SDK1: variants seen among roughly 807,000 people sequenced by gnomAD.
SDK1 encodes protein sidekick-1.
In SDK1, 157 loss-of-function variants were observed where a neutral mutation model predicts 245.5. That is an observed-to-expected ratio of 0.64 (90% CI 0.56 to 0.73). The LOEUF (loss-of-function observed/expected upper bound fraction) is 0.73. Ranked by LOEUF, SDK1 falls within the 30% of genes least tolerant of loss-of-function variation. The probability of loss-of-function intolerance (pLI) is 0.00; values close to 1 mark genes in which losing one functional copy is unlikely to be tolerated. For missense variants in SDK1, 3,583 were observed against 3,002.3 expected, an observed-to-expected ratio of 1.19 and a Z score of -4.52; for synonymous variants, 1,647 against 1,278.5, an observed-to-expected ratio of 1.29 and a Z score of -6.15.
chr7:4,234,828 A>G (rs1286772994), intron 41 of SDK1, among the ~76,000 whole-genome samples: 1 of 151,964 alleles, frequency 6.6e-6, no homozygotes, highest in Non-Finnish European at 1.5e-5. Context: ...GTTTGAGGAG[A>G]GGGGATCTCA....
chr7:3,733,991 G>A (rs1779252550), intron 4 of SDK1, among the ~76,000 whole-genome samples: 1 of 152,180 alleles, frequency 6.6e-6, no homozygotes, highest in Admixed American at 6.5e-5. Flanking sequence ...TCAGATGTAA[G>A]TGCTCTGAGG....
intron 5 of SDK1, among the ~76,000 whole-genome samples, chr7:3,871,595 C>T (rs972834403): frequency 1.3e-5 from 2 of 152,182 alleles, no homozygotes; most frequent in Admixed American, 1.3e-4. Flanking sequence ...CCTCAGGCTG[C>T]TTCCATTCAT....
chr7:4,162,085 A>G (rs1781171497), intron 32 of SDK1, among the ~76,000 whole-genome samples: 1 of 152,056 alleles, frequency 6.6e-6, no homozygotes, highest in African/African-American at 2.4e-5. Context: ...GCACGTAGAG[A>G]ATGAACTTGA....
chr7:3,801,729 C>T (rs1045215229), intron 4 of SDK1, among the ~76,000 whole-genome samples: 1 of 152,194 alleles, frequency 6.6e-6, no homozygotes, highest in Non-Finnish European at 1.5e-5. Context: ...CTCTTGCTTC[C>T]TTGGCCTCCT....
At chr7:3,919,650 G>C (rs757883477) in intron 5 of SDK1, among the ~76,000 whole-genome samples, 1 of 152,202 alleles carries the variant, frequency 6.6e-6, no homozygotes, top group African/African-American at 2.4e-5. Flanking sequence ...CTCTTAGAGC[G>C]CTTAAAGATT....
At chr7:3,685,193 A>T (rs1403863051) in intron 4 of SDK1, among the ~76,000 whole-genome samples, 3 of 141,500 alleles carry the variant, frequency 2.1e-5, no homozygotes, top group Non-Finnish European at 1.5e-5. Context: ...CACATCATAA[A>T]TAAACTTGTG....
At chr7:3,452,649 T>C (rs749149474) in intron 1 of SDK1, among the ~76,000 whole-genome samples, 4 of 152,218 alleles carry the variant, frequency 2.6e-5, no homozygotes, top group Non-Finnish European at 4.4e-5. Context: ...AGCTATGTTA[T>C]AGAAGAACTT....
chr7:3,968,515 A>G (rs749429863), intron 10 of SDK1, among the ~76,000 whole-genome samples: 1 of 152,252 alleles, frequency 6.6e-6, no homozygotes, highest in Non-Finnish European at 1.5e-5. Flanking sequence ...CTGGGACACT[A>G]CAGATCAATA....
At chr7:3,533,931 C>T (rs554254220) in intron 1 of SDK1, among the ~76,000 whole-genome samples, 4 of 152,264 alleles carry the variant, frequency 2.6e-5, no homozygotes, top group African/African-American at 9.6e-5. Context: ...ATGAGATCTA[C>T]CCTCTTAGCA....
chr7:3,799,622 G>A (rs535767209), intron 4 of SDK1, among the ~76,000 whole-genome samples: 71 of 149,116 alleles, frequency 4.8e-4, no homozygotes, highest in African/African-American at 1.7e-3. Context: ...GGAGAATGGC[G>A]TGAACCTGGG....
At chr7:3,613,576 G>C (rs941320953) in intron 1 of SDK1, among the ~76,000 whole-genome samples, 2 of 152,204 alleles carry the variant, frequency 1.3e-5, no homozygotes, top group African/African-American at 4.8e-5. Context: ...GTGGAAGACA[G>C]TGTGGTGATT....
At position 3,655,265 on chromosome 7, in the gene SDK1, C is replaced by T. The variant is rs567844127; in HGVS notation, c.713+13160C>T. The stretch of plus-strand genomic sequence containing the variant: ...CCTGACCAACATGGAGAAACACTGT[C>T]TCTACTAAAAATACAAAATTAGCCA... On this transcript the variant is annotated intron_variant, in intron 4 of 44. Transcript: ENST00000404826. Among the ~76,000 whole-genome samples the T allele has an allele frequency of 6.6e-5, 10 of 150,990 alleles. No homozygotes were observed. In the East Asian group the frequency reaches 2.0e-3, roughly 30 times the overall value.
At chr7:4,180,856 C>T (rs954192426) in intron 35 of SDK1, among the ~76,000 whole-genome samples, 18 of 152,140 alleles carry the variant, frequency 1.2e-4, no homozygotes, top group African/African-American at 4.1e-4. Context: ...CCCACCCCCA[C>T]ATCCCCATCC....
At chr7:3,415,778 C>T (rs903164051) in intron 1 of SDK1, among the ~76,000 whole-genome samples, 1 of 151,590 alleles carries the variant, frequency 6.6e-6, no homozygotes, top group East Asian at 1.9e-4. Flanking sequence ...TACATTTCTT[C>T]GGAGTAGGGA....
chr7:3,458,495 T>C (rs1369082857), intron 1 of SDK1, among the ~76,000 whole-genome samples: 2 of 152,122 alleles, frequency 1.3e-5, no homozygotes, highest in African/African-American at 2.4e-5. Flanking sequence ...TGCTCAGTTC[T>C]TTTTCAGGCC....
chr7:3,598,719 C>G (rs1382961719), intron 1 of SDK1, among the ~76,000 whole-genome samples: 7 of 152,168 alleles, frequency 4.6e-5, no homozygotes, highest in African/African-American at 7.2e-5. Context: ...CTGTGTGTGA[C>G]CTTTTGGGAT....
Position 3,962,755 on chromosome 7 carries a change from A to T in SDK1, c.1333A>T (p.Ile445Phe), listed in dbSNP as rs772479041. ...YKVLASGGLR[I>F]QKLRPEDSGI... ...AGTGCTCGCCAGCGGAGGCCTGCGCATCCAGAAGCTGCGTCCAGAGGACTC... is the reference window on the plus strand; with the variant it reads ...AGTGCTCGCCAGCGGAGGCCTGCGCTTCCAGAAGCTGCGTCCAGAGGACTC... Residue 445 changes from isoleucine (I) to phenylalanine (F), a missense_variant, in exon 9 of 45, where the codon ATC becomes TTC. By Grantham distance (21) the Ile-to-Phe change is conservative. Transcript: ENST00000404826. 1 of 1,613,732 alleles carries T rather than the reference A, an allele frequency of 6.2e-7. No individual in the cohort carries two copies. Among genetic ancestry groups the T allele is most frequent in the Non-Finnish European group, 8.5e-7 (1 of 1,179,886 alleles).
chr7:3,469,254 C>G (rs183732385), intron 1 of SDK1, among the ~76,000 whole-genome samples: 4 of 152,176 alleles, frequency 2.6e-5, no homozygotes, highest in Admixed American at 1.3e-4. Context: ...AAGGCCCTTT[C>G]TCTACAAAAA....
At chr7:3,517,692 G>C (rs1782797068) in intron 1 of SDK1, among the ~76,000 whole-genome samples, 2 of 152,126 alleles carry the variant, frequency 1.3e-5, no homozygotes, top group South Asian at 2.1e-4. Flanking sequence ...GTTCTGCTAA[G>C]GCTTTCAGCT....
Sources: allele counts gnomAD v4.1 joint callset (sites outside exome capture counted in the v4.1 genomes callset), GRCh38; gene constraint gnomAD v4.1.1; transcripts MANE v1.5; gene names NCBI Gene and HGNC (gene_info 2026-07-23, HGNC 2026-07-21).